The following TESK2 variants were observed in gnomAD, a reference collection of about 807,000 sequenced individuals.
TESK2 encodes testis associated actin remodelling kinase 2.
A neutral mutation model predicts 57.1 loss-of-function variants in TESK2; 39 were observed. That is an observed-to-expected ratio of 0.68 (90% CI 0.53 to 0.89). The LOEUF (loss-of-function observed/expected upper bound fraction) is 0.89, where lower values mean the gene tolerates loss of function less well. Ranked by LOEUF, TESK2 falls within the 40% of genes least tolerant of loss-of-function variation. The probability of loss-of-function intolerance (pLI) is 0.00; values close to 1 mark genes in which losing one functional copy is unlikely to be tolerated. For missense variants in TESK2, 646 were observed against 732.1 expected, an observed-to-expected ratio of 0.88 and a Z score of 1.36; for synonymous variants, 249 against 267.9, an observed-to-expected ratio of 0.93 and a Z score of 0.69.
rs1295003454 is a variant in TESK2 at position 45,344,004 on chromosome 1, A to T, written c.*836T>A. ...CCAGCTTCATCTTTGGTTATTTCTT[A>T]TTGCAGCTCTGTAAGGACAGACTGT... On this transcript the variant is annotated 3_prime_UTR_variant, in exon 11 of 11. Coordinates refer to ENST00000372086, the MANE Select transcript of TESK2 (RefSeq NM_007170.3). The T allele has an allele frequency of 6.1e-6, 2 of 328,710 alleles. No individual in the cohort carries two copies. Among genetic ancestry groups the T allele is most frequent in the East Asian group, 1.3e-4 (2 of 15,546 alleles). 20.4% of individuals were successfully genotyped at this position (328,710 alleles called of 1,614,324 possible).
At chr1:45,452,494 G>A (rs1651909608) in intron 2 of TESK2, among the ~76,000 whole-genome samples, 1 of 152,094 alleles carries the variant, frequency 6.6e-6, no homozygotes, top group African/African-American at 2.4e-5. Flanking sequence ...ATAAACAAAA[G>A]GACTTCACTA....
intron 2 of TESK2, among the ~76,000 whole-genome samples, chr1:45,424,150 T>G (rs1487999152): frequency 6.6e-6 from 1 of 152,170 alleles, no homozygotes; most frequent in Non-Finnish European, 1.5e-5. Context: ...CAAATGGGAA[T>G]TCCAAAAGAA....
At chr1:45,353,873 C>T (rs1472295641) in intron 5 of TESK2, among the ~76,000 whole-genome samples, 1 of 152,198 alleles carries the variant, frequency 6.6e-6, no homozygotes, top group Non-Finnish European at 1.5e-5. Context: ...AACCTGGTCA[C>T]ACAGCAATTT....
At chr1:45,356,641 G>A (rs1032683886) in intron 4 of TESK2, among the ~76,000 whole-genome samples, 1 of 148,116 alleles carries the variant, frequency 6.8e-6, no homozygotes, top group East Asian at 2.0e-4. Flanking sequence ...AAAAAAGATA[G>A]TGAGTTCAGC....
chr1:45,420,413 T>C (rs1173193115), intron 3 of TESK2, among the ~76,000 whole-genome samples: 1 of 151,734 alleles, frequency 6.6e-6, no homozygotes, highest in African/African-American at 2.4e-5. Flanking sequence ...TAATTTTTTT[T>C]TGTTGTTTGT....
intron 4 of TESK2, among the ~76,000 whole-genome samples, chr1:45,374,934 G>A (rs943259378): frequency 7.2e-5 from 11 of 152,108 alleles, no homozygotes; most frequent in African/African-American, 2.7e-4. Flanking sequence ...AATGCATCAG[G>A]AAAGCCTATT....
rs550058414 is a variant in TESK2, at chr1:45,386,181, T to C, written c.345-221A>G. On this transcript the variant is annotated intron_variant, in intron 3 of 10. Coordinates refer to ENST00000372086, the MANE Select transcript of TESK2 (RefSeq NM_007170.3). ...CCAACATGGTGAAACCACATCTCTATTAAAAATACAAAAATTAGGCAGGTG... is the reference window on the plus strand; with the variant it reads ...CCAACATGGTGAAACCACATCTCTACTAAAAATACAAAAATTAGGCAGGTG... 8.6e-5 allele frequency among the ~76,000 whole-genome samples: 13 copies of C among 151,622 alleles called. No individual in the cohort carries two copies. Among genetic ancestry groups the C allele is most frequent in the Admixed American group, 6.6e-4 (10 of 15,198 alleles).
In TESK2 at chr1:45,384,609, T is replaced by TA. The variant is rs1557551554; in HGVS notation, c.393+1302_393+1303insT. The stretch of plus-strand genomic sequence containing the variant: ...TAATTATTAATTTTTTTTTTTTTTT[T>TA]TTTTTTTTTTTTTTTTTGTAGAGAC... On this transcript the variant is annotated intron_variant, in intron 4 of 10. Transcript: ENST00000372086. Among the ~76,000 whole-genome samples the TA allele has an allele frequency of 6.4e-4, 84 of 130,482 alleles. 1 individual carries two copies. Among genetic ancestry groups the TA allele is most frequent in the African/African-American group, 2.4e-3 (80 of 33,876 alleles). 85.6% of individuals were successfully genotyped at this position (130,482 alleles called of 152,430 possible). A position where few individuals can be genotyped will look rare whatever the true frequency, so the allele number is the denominator to read the frequency against.
intron 5 of TESK2, 38 bp downstream of exon 5, chr1:45,355,265 G>A: frequency 6.2e-7 from 1 of 1,603,652 alleles, no homozygotes. Context: ...GAGAAGGGTG[G>A]TATCTCTCAA....
intron 4 of TESK2, among the ~76,000 whole-genome samples, chr1:45,369,022 T>C (rs941242821): frequency 2.6e-5 from 4 of 151,948 alleles, no homozygotes; most frequent in Non-Finnish European, 5.9e-5. Flanking sequence ...CCCAAAGTGC[T>C]GGGATTATGG....
At chr1:45,487,490 A>G (rs1004008989) in intron 1 of TESK2, among the ~76,000 whole-genome samples, 1 of 152,150 alleles carries the variant, frequency 6.6e-6, no homozygotes, top group African/African-American at 2.4e-5. Flanking sequence ...CACTACTTCA[A>G]TAACCTACAC....
At chr1:45,376,690 C>G (rs1648443740) in intron 4 of TESK2, among the ~76,000 whole-genome samples, 1 of 151,912 alleles carries the variant, frequency 6.6e-6, no homozygotes, top group Non-Finnish European at 1.5e-5. Flanking sequence ...CATTAGAGAA[C>G]CTGGGATTTG....
At chr1:45,484,961 G>T (rs1653396625) in intron 1 of TESK2, among the ~76,000 whole-genome samples, 1 of 151,358 alleles carries the variant, frequency 6.6e-6, no homozygotes, top group Non-Finnish European at 1.5e-5. Flanking sequence ...AACCCGGGAG[G>T]CGGAGCTTGC....
intron 1 of TESK2, among the ~76,000 whole-genome samples, chr1:45,462,523 C>T (rs113642653): frequency 2.6e-5 from 4 of 152,282 alleles, no homozygotes; most frequent in African/African-American, 7.2e-5. Flanking sequence ...CCGCCCACCT[C>T]GGCCTCCCAA....
intron 2 of TESK2, among the ~76,000 whole-genome samples, chr1:45,434,236 G>A (rs1461094522): frequency 6.6e-6 from 1 of 151,934 alleles, no homozygotes; most frequent in African/African-American, 2.4e-5. Flanking sequence ...TCAAGCAATC[G>A]CACCTGCCTC....
chr1:45,415,471 T>C, intron 3 of TESK2: 1 of 574,122 alleles, frequency 1.7e-6, no homozygotes. Context: ...TCCCTTTGGG[T>C]TCCATGTTTT....
chr1:45,354,374 C>T (rs1344012653), intron 5 of TESK2, among the ~76,000 whole-genome samples: 1 of 152,092 alleles, frequency 6.6e-6, no homozygotes, highest in African/African-American at 2.4e-5. Context: ...GCCTGTAATC[C>T]CAACACTTTG....
chr1:45,425,837 C>T (rs1034481094), intron 2 of TESK2, among the ~76,000 whole-genome samples: 7 of 151,928 alleles, frequency 4.6e-5, no homozygotes, highest in African/African-American at 1.7e-4. Context: ...TCGCCAAAGC[C>T]ATCCTGAGGA....
intron 4 of TESK2, among the ~76,000 whole-genome samples, chr1:45,355,915 T>C (rs1430198964): frequency 6.6e-6 from 1 of 152,188 alleles, no homozygotes; most frequent in East Asian, 1.9e-4. Flanking sequence ...AGTGCATTTA[T>C]AGATGAGTCA....
Sources: allele counts gnomAD v4.1 joint callset (sites outside exome capture counted in the v4.1 genomes callset), GRCh38; gene constraint gnomAD v4.1.1; transcripts MANE v1.5; gene names NCBI Gene and HGNC (gene_info 2026-07-23, HGNC 2026-07-21).